The following ELMO1 variants were observed in gnomAD, a reference collection of about 807,000 sequenced individuals.
ELMO1 encodes engulfment and cell motility 1, also known as engulfment and cell motility protein 1.
ELMO1 carries 26 observed loss-of-function variants against 98.9 expected under a neutral mutation model. The observed-to-expected ratio is 0.26, with a 90% CI of 0.19 to 0.36. The LOEUF is 0.36. Ranked by LOEUF, ELMO1 falls within the 10% of genes least tolerant of loss-of-function variation. The pLI is 1.00. For synonymous variants in ELMO1, 346 were observed against 346.0 expected (o/e 1.00, Z 0.00); for missense variants, 627 against 935.2 (o/e 0.67, Z 4.30).
intron 13 of ELMO1, chr7:37,197,093 C>T (rs1474702647): frequency 6.6e-6 from 1 of 152,186 alleles, no homozygotes; most frequent in East Asian, 1.9e-4. Context: ...TTAATAAATA[C>T]CCCTTACCCT....
chr7:36,961,785 T>G (rs1788974508), intron 16 of ELMO1, among the ~76,000 whole-genome samples: 1 of 152,166 alleles, frequency 6.6e-6, no homozygotes, highest in African/African-American at 2.4e-5. Flanking sequence ...CTAATAAGAT[T>G]GAAACAAAAT....
At chr7:37,188,504 T>TAATAAG (rs1563065682) in intron 13 of ELMO1, among the ~76,000 whole-genome samples, 1 of 89,424 alleles carries the variant, frequency 1.1e-5, no homozygotes, top group South Asian at 3.7e-4. Flanking sequence ...AAAAAAAAAA[T>TAATAAG]AATAATAATA....
At chr7:37,381,333 C>G (rs1345550848) in intron 1 of ELMO1, among the ~76,000 whole-genome samples, 2 of 152,224 alleles carry the variant, frequency 1.3e-5, no homozygotes, top group Admixed American at 1.3e-4. Flanking sequence ...AGTACCATTT[C>G]TCTAATCTGG....
At chr7:36,873,612 G>A (rs1315193157) in intron 19 of ELMO1, among the ~76,000 whole-genome samples, 1 of 152,180 alleles carries the variant, frequency 6.6e-6, no homozygotes, top group African/African-American at 2.4e-5. Context: ...AGGTTAGTAG[G>A]TGAAAAGAGC....
At chr7:37,085,332 GTTTTT>G (rs1374163261) in intron 15 of ELMO1, among the ~76,000 whole-genome samples, 1 of 151,932 alleles carries the variant, frequency 6.6e-6, no homozygotes, top group Non-Finnish European at 1.5e-5. Flanking sequence ...CTTCTGTTTT[GTTTTT>G]TTATTTTTTT....
At chr7:37,072,256 G>A (rs1379026895) in intron 15 of ELMO1, among the ~76,000 whole-genome samples, 3 of 152,086 alleles carry the variant, frequency 2.0e-5, no homozygotes, top group Admixed American at 6.5e-5. Flanking sequence ...CACAATTCCC[G>A]CGTGTTGTAG....
At chr7:36,950,857 C>T (rs2129105165) in intron 16 of ELMO1, among the ~76,000 whole-genome samples, 1 of 152,184 alleles carries the variant, frequency 6.6e-6, no homozygotes, top group South Asian at 2.1e-4. Flanking sequence ...TTCAGACCCA[C>T]CATGTTACGG....
chr7:37,308,908 G>C (rs1157574774), intron 4 of ELMO1, among the ~76,000 whole-genome samples: 1 of 152,138 alleles, frequency 6.6e-6, no homozygotes, highest in African/African-American at 2.4e-5. Context: ...GGAAATAATT[G>C]GGTAGCAAGA....
intron 15 of ELMO1, among the ~76,000 whole-genome samples, chr7:37,058,187 A>T (rs914611835): frequency 6.6e-6 from 1 of 152,180 alleles, no homozygotes; most frequent in East Asian, 1.9e-4. Flanking sequence ...CTTCGACTCT[A>T]TCAATGCTAA....
intron 1 of ELMO1, among the ~76,000 whole-genome samples, chr7:37,444,332 A>C (rs541544770): frequency 1.3e-5 from 2 of 152,352 alleles, no homozygotes; most frequent in East Asian, 3.8e-4. Flanking sequence ...AAAAGTTCTA[A>C]ACTAAAACTT....
At chr7:37,217,458 T>G (rs1429511031) in intron 10 of ELMO1, among the ~76,000 whole-genome samples, 1 of 151,944 alleles carries the variant, frequency 6.6e-6, no homozygotes, top group African/African-American at 2.4e-5. Flanking sequence ...AGGAAGACAC[T>G]TGACCGTTGT....
chr7:37,320,859 C>G (rs1226249368), intron 2 of ELMO1, among the ~76,000 whole-genome samples: 3 of 152,106 alleles, frequency 2.0e-5, no homozygotes, highest in African/African-American at 7.2e-5. Flanking sequence ...TTAATGATAG[C>G]CTGGATTAAC....
intron 16 of ELMO1, among the ~76,000 whole-genome samples, chr7:36,966,583 G>C (rs937081050): frequency 1.3e-5 from 2 of 152,146 alleles, no homozygotes; most frequent in Admixed American, 6.5e-5. Flanking sequence ...ACAACTTTAC[G>C]TGTAAGTGAT....
At chr7:36,898,436 G>A (rs1224040295) in intron 16 of ELMO1, among the ~76,000 whole-genome samples, 2 of 152,192 alleles carry the variant, frequency 1.3e-5, no homozygotes, top group African/African-American at 4.8e-5. Flanking sequence ...TGTTTCTGAA[G>A]TCTTCTTAGC....
At chr7:37,273,125 C>T (rs1441260471) in intron 4 of ELMO1, among the ~76,000 whole-genome samples, 1 of 152,214 alleles carries the variant, frequency 6.6e-6, no homozygotes, top group Non-Finnish European at 1.5e-5. Context: ...TAAGCACAAA[C>T]AGCATAAATA....
chr7:36,936,284 C>T (rs939689987), intron 16 of ELMO1, among the ~76,000 whole-genome samples: 3 of 152,088 alleles, frequency 2.0e-5, no homozygotes, highest in Admixed American at 2.0e-4. Flanking sequence ...GCAAATGTCC[C>T]TCACTACTGC....
At chr7:36,906,830 G>A (rs1384916959) in intron 16 of ELMO1, among the ~76,000 whole-genome samples, 1 of 151,936 alleles carries the variant, frequency 6.6e-6, no homozygotes, top group Non-Finnish European at 1.5e-5. Context: ...TATAAGAGTA[G>A]ATCTCAGTAA....
Position 36,900,940 on chromosome 7 carries a change from G to A in ELMO1, c.1438-5923C>T, listed in dbSNP as rs535449365. ...AGATTCTGCCTGCAGAGGGGTCTGG[G>A]GGAAGAAGACCCTAAGTGCTCATGT... On this transcript the variant is annotated intron_variant, in intron 16 of 21. Transcript: ENST00000310758. Among the ~76,000 whole-genome samples, 44 of 152,180 alleles carry A rather than the reference G, an allele frequency of 2.9e-4. 1 individual carries two copies. The highest frequency in any genetic ancestry group is 5.0e-4 in the Non-Finnish European group (34 of 68,028).
chr7:37,112,455 C>T (rs987205247), intron 14 of ELMO1, among the ~76,000 whole-genome samples: 4 of 152,088 alleles, frequency 2.6e-5, no homozygotes, highest in African/African-American at 9.7e-5. Flanking sequence ...GGAGCATCAC[C>T]AGTCAAGTAC....
Sources: gnomAD v4.1 joint callset for allele counts (sites outside exome capture counted in the v4.1 genomes callset) on GRCh38, gnomAD v4.1.1 for gene constraint, MANE v1.5 for transcripts, NCBI Gene and HGNC (gene_info 2026-07-23, HGNC 2026-07-21) for gene names.